Variants in DSCAM observed in about 807,000 individuals in gnomAD.
DSCAM encodes cell adhesion molecule DSCAM.
DSCAM carries 47 observed loss-of-function variants against 217.7 expected under a neutral mutation model. The observed-to-expected ratio is 0.22, with a 90% CI of 0.17 to 0.28. The LOEUF is 0.28. Among genes scored for constraint, DSCAM ranks in the 10% least tolerant of loss-of-function variants. The pLI is 1.00. For missense variants in DSCAM, 2,080 were observed against 2,618.3 expected (o/e 0.79, Z 4.49); for synonymous variants, 1,056 against 1,015.3 (o/e 1.04, Z -0.76).
At chr21:40,454,016 C>A (rs2075743472) in intron 3 of DSCAM, among the ~76,000 whole-genome samples, 1 of 152,168 alleles carries the variant, frequency 6.6e-6, no homozygotes. Context: ...ACCCCAAATA[C>A]CTGCCTAGGT....
At chr21:40,779,669 A>G (rs2091522091) in intron 1 of DSCAM, among the ~76,000 whole-genome samples, 2 of 152,212 alleles carry the variant, frequency 1.3e-5, no homozygotes, top group Admixed American at 1.3e-4. Context: ...AGGTGAGTTG[A>G]TGGGAGGTGA....
chr21:40,349,820 T>C (rs545337968), intron 5 of DSCAM, among the ~76,000 whole-genome samples: 6 of 152,160 alleles, frequency 3.9e-5, no homozygotes, highest in Non-Finnish European at 8.8e-5. Context: ...TGTCTAGTCA[T>C]ATTACAAATT....
At chr21:40,736,396 G>A (rs928949075) in intron 1 of DSCAM, among the ~76,000 whole-genome samples, 3 of 152,014 alleles carry the variant, frequency 2.0e-5, no homozygotes, top group Admixed American at 1.3e-4. Flanking sequence ...AAGCTCATGG[G>A]GGCCGTGGGT....
chr21:40,603,497 T>A (rs1389994202), intron 3 of DSCAM, among the ~76,000 whole-genome samples: 2 of 152,206 alleles, frequency 1.3e-5, no homozygotes, highest in South Asian at 4.1e-4. Context: ...CATTTATTCC[T>A]ACGAAGCTCC....
Position 40,231,766 on chromosome 21 carries a change from G to A in DSCAM, c.2357-42528C>T, listed in dbSNP as rs1259183317. Among the ~76,000 whole-genome samples, 4 of 152,106 alleles carry A rather than the reference G, an allele frequency of 2.6e-5. No homozygotes were observed. In the South Asian group the frequency reaches 6.2e-4, roughly 24 times the overall value. On this transcript the variant is annotated intron_variant, in intron 11 of 32. Transcript: ENST00000400454. ...GATCCTCCTGTCTTGGCCTCCCAAA[G>A]TGCTGGGATTACAGGAGTGAGCCAC... is the stretch of plus-strand genomic sequence containing the variant.
At chr21:40,244,931 G>A (rs530880582) in intron 11 of DSCAM, among the ~76,000 whole-genome samples, 46 of 151,034 alleles carry the variant, frequency 3.0e-4, no homozygotes, top group African/African-American at 9.7e-4. Context: ...CATTTCCGCC[G>A]ACTGCCAAGG....
rs1555892324 is a variant in DSCAM, at chr21:40,821,093, G to GAGATATATATATCTTCACATATATAT, written c.43+25500_43+25525dup. ...ACATATAGATCTTCACATATATAGA[G>GAGATATATATATCTTCACATATATAT]AGATATATATATCTTCACATATATA... On this transcript the variant is annotated intron_variant, in intron 1 of 32. Transcript: ENST00000400454. Among the ~76,000 whole-genome samples the GAGATATATATATCTTCACATATATAT allele has an allele frequency of 9.2e-3, 1,188 of 129,264 alleles. 39 individuals are homozygous for GAGATATATATATCTTCACATATATAT. Among genetic ancestry groups the GAGATATATATATCTTCACATATATAT allele is most frequent in the African/African-American group, 0.033 (1,119 of 33,718 alleles). 84.8% of individuals were successfully genotyped at this position (129,264 alleles called of 152,430 possible).
chr21:40,346,889 C>G (rs192583681), intron 6 of DSCAM, among the ~76,000 whole-genome samples: 3 of 152,254 alleles, frequency 2.0e-5, no homozygotes, highest in African/African-American at 4.8e-5. Flanking sequence ...GAGGCTATTG[C>G]CCCCACCCCA....
intron 1 of DSCAM, among the ~76,000 whole-genome samples, chr21:40,729,315 A>C (rs7283308): frequency 1.9e-3 from 289 of 152,238 alleles, no homozygotes; most frequent in African/African-American, 6.7e-3. Flanking sequence ...TGGGCTCAGA[A>C]CCCTTTAAGA....
At chr21:40,707,404 G>A (rs2090729569) in intron 2 of DSCAM, among the ~76,000 whole-genome samples, 1 of 152,038 alleles carries the variant, frequency 6.6e-6, no homozygotes, top group African/African-American at 2.4e-5. Flanking sequence ...GCAGGTCTTG[G>A]AATTCATGAG....
intron 3 of DSCAM, among the ~76,000 whole-genome samples, chr21:40,487,273 C>CTG (rs1232285002): frequency 1.3e-5 from 2 of 150,502 alleles, no homozygotes; most frequent in African/African-American, 4.9e-5. Context: ...CTCTCTCTCT[C>CTG]TGTGTGTGTG....
chr21:40,193,481 C>T (rs528840177), intron 11 of DSCAM, among the ~76,000 whole-genome samples: 4 of 152,194 alleles, frequency 2.6e-5, no homozygotes, highest in Non-Finnish European at 4.4e-5. Context: ...CATTCTTTCT[C>T]TCACGACTGG....
intron 16 of DSCAM, among the ~76,000 whole-genome samples, chr21:40,147,188 T>C (rs1601383490): frequency 6.6e-6 from 1 of 152,168 alleles, no homozygotes; most frequent in African/African-American, 2.4e-5. Flanking sequence ...TGGAGTCAGG[T>C]CAAGAAGAGT....
chr21:40,755,175 C>T (rs1054224670), intron 1 of DSCAM, among the ~76,000 whole-genome samples: 7 of 152,026 alleles, frequency 4.6e-5, no homozygotes, highest in African/African-American at 9.7e-5. Flanking sequence ...GGTCCAGTTA[C>T]GGTGGCTCAT....
intron 3 of DSCAM, among the ~76,000 whole-genome samples, chr21:40,487,361 G>T (rs899467828): frequency 6.6e-6 from 1 of 150,562 alleles, no homozygotes; most frequent in African/African-American, 2.4e-5. Context: ...GAGAGAGACT[G>T]CCTGCTCACA....
intron 11 of DSCAM, among the ~76,000 whole-genome samples, chr21:40,266,801 C>CTAT (rs2073542720): frequency 9.2e-6 from 1 of 108,708 alleles, no homozygotes; most frequent in Non-Finnish European, 1.9e-5. Context: ...TATATATATA[C>CTAT]ACACACACAC....
chr21:40,012,053 C>G lies in DSCAM; in HGVS notation c.*981G>C, dbSNP rs926436463. ...AGACAATAGCAAATAGTGCATGTGG[C>G]CTTGTTTCAATAAAACTTTATTTAA... On this transcript the variant is annotated 3_prime_UTR_variant, in exon 33 of 33. Coordinates refer to ENST00000400454, the MANE Select transcript of DSCAM (RefSeq NM_001389.5). 13 of 147,906 alleles carry G rather than the reference C, an allele frequency of 8.8e-5. No individual in the cohort carries two copies. The East Asian group carries it at 1.9e-3, about 22-fold the overall frequency. 9.2% of individuals were successfully genotyped at this position (147,906 alleles called of 1,614,324 possible). A position where few individuals can be genotyped will look rare whatever the true frequency, so the allele number is the denominator to read the frequency against.
chr21:40,377,874 T>A (rs2023632086), intron 3 of DSCAM, among the ~76,000 whole-genome samples: 1 of 152,170 alleles, frequency 6.6e-6, no homozygotes, highest in Non-Finnish European at 1.5e-5. Context: ...GCCATAGCCT[T>A]GAGTACATAT....
chr21:40,633,978 G>T (rs1380115128), intron 3 of DSCAM, among the ~76,000 whole-genome samples: 1 of 152,100 alleles, frequency 6.6e-6, no homozygotes, highest in East Asian at 1.9e-4. Context: ...GACACAAAGG[G>T]TTTACTATTT....
Sources: gnomAD v4.1 joint callset for allele counts (sites outside exome capture counted in the v4.1 genomes callset) on GRCh38, gnomAD v4.1.1 for gene constraint, MANE v1.5 for transcripts, NCBI Gene and HGNC (gene_info 2026-07-23, HGNC 2026-07-21) for gene names.